IL16: variants seen among roughly 807,000 people sequenced by gnomAD.
The protein encoded by IL16 is interleukin 16.
IL16 carries 67 observed loss-of-function variants against 110.1 expected under a neutral mutation model. The ratio of observed to expected loss-of-function variants is 0.61; its 90% CI spans 0.50 to 0.75. IL16 has a LOEUF of 0.75. Among genes scored for constraint, IL16 ranks in the 30% least tolerant of loss-of-function variants. The probability of loss-of-function intolerance (pLI) is 0.00; values close to 1 mark genes in which losing one functional copy is unlikely to be tolerated. For missense variants in IL16, 1,545 were observed against 1,655.0 expected, an observed-to-expected ratio of 0.93 and a Z score of 1.15; for synonymous variants, 689 against 662.9, an observed-to-expected ratio of 1.04 and a Z score of -0.61.
chr15:81,274,720 T>C (rs1277852853), intron 6 of IL16, among the ~76,000 whole-genome samples: 1 of 152,234 alleles, frequency 6.6e-6, no homozygotes, highest in Non-Finnish European at 1.5e-5. Flanking sequence ...TAGAAATGGA[T>C]TTTATGTTAC....
At chr15:81,215,800 C>T (rs1896407083) in intron 1 of IL16, among the ~76,000 whole-genome samples, 1 of 152,216 alleles carries the variant, frequency 6.6e-6, no homozygotes, top group African/African-American at 2.4e-5. Context: ...GTGCCAACCA[C>T]AGATCCTGGC....
chr15:81,261,426 A>G (rs938342345), intron 3 of IL16, among the ~76,000 whole-genome samples: 9 of 152,262 alleles, frequency 5.9e-5, no homozygotes, highest in East Asian at 5.8e-4. Flanking sequence ...ACAGGCATCA[A>G]TGGAGGACTG....
chr15:81,292,672 G>T lies in IL16; in HGVS notation c.1537G>T (p.Asp513Tyr), dbSNP rs1007596628. The T allele has an allele frequency of 6.2e-7, 1 of 1,614,048 alleles. No individual in the cohort carries two copies. Among genetic ancestry groups the T allele is most frequent in the African/African-American group, 1.3e-5 (1 of 74,930 alleles). Residue 513 changes from aspartate to tyrosine, a missense_variant, in exon 12 of 19, where the codon GAC becomes TAC. Physicochemically the swap from Asp to Tyr is radical, Grantham distance 160. Around this residue, in one of 3 missense-constraint regions of IL16, gnomAD observed 1,185 missense variants for 1,238.8 expected, o/e 0.96. Coordinates refer to ENST00000683961, the MANE Select transcript of IL16 (RefSeq NM_172217.5). ...AQKVMIRSSS[D>Y]SSYMSGSPGG... ...GAAGGTCATGATCCGCTCCAGCAGT[G>T]ACAGCAGCTACATGTCTGGGTCCCC...
intron 1 of IL16, among the ~76,000 whole-genome samples, chr15:81,212,689 C>T (rs1279302245): frequency 1.3e-5 from 2 of 152,102 alleles, no homozygotes; most frequent in Admixed American, 1.3e-4. Context: ...CCAGGCTGGT[C>T]TTAAACTCCT....
chr15:81,282,416 C>A (rs148966540), intron 8 of IL16, among the ~76,000 whole-genome samples: 5 of 152,334 alleles, frequency 3.3e-5, no homozygotes, highest in Non-Finnish European at 5.9e-5. Context: ...CCCTTCCTCC[C>A]TCCTTCGCTC....
chr15:81,192,940 TCA>T (rs1320919780), upstream of IL16, among the ~76,000 whole-genome samples: 4 of 152,158 alleles, frequency 2.6e-5, no homozygotes, highest in Non-Finnish European at 4.4e-5. Flanking sequence ...GAATAAAAAC[TCA>T]CAGAGGGCTT....
intron 2 of IL16, among the ~76,000 whole-genome samples, chr15:81,248,081 CTA>C (rs1897631778): frequency 6.6e-6 from 1 of 152,088 alleles, no homozygotes; most frequent in Admixed American, 6.5e-5. Flanking sequence ...CATTATGAGG[CTA>C]TGTTATAAGG....
intron 2 of IL16, among the ~76,000 whole-genome samples, chr15:81,254,819 A>C (rs1357827007): frequency 6.6e-6 from 1 of 152,202 alleles, no homozygotes; most frequent in Non-Finnish European, 1.5e-5. Context: ...TCCACCCAGG[A>C]CATACTTGCC....
At chr15:81,282,825 C>A in intron 9 of IL16, 69 bp downstream of exon 9, 3 of 1,162,494 alleles carry the variant, frequency 2.6e-6, no homozygotes, top group Admixed American at 1.7e-5. Flanking sequence ...CTTAGAATGT[C>A]GGGAGATTGA....
At chr15:81,250,407 C>T (rs1897728248) in intron 2 of IL16, among the ~76,000 whole-genome samples, 1 of 152,124 alleles carries the variant, frequency 6.6e-6, no homozygotes, top group South Asian at 2.1e-4. Context: ...AAGCTCTTGG[C>T]CTCAAGTGAT....
upstream of IL16, among the ~76,000 whole-genome samples, chr15:81,195,103 C>T (rs1008875196): frequency 2.0e-5 from 3 of 152,148 alleles, no homozygotes; most frequent in Admixed American, 2.0e-4. Flanking sequence ...TAGGAAAAAT[C>T]AGGGCCAAGT....
In IL16 at chr15:81,303,691, A is replaced by G. The variant is rs763185119; in HGVS notation, c.3420+41A>G. The G allele has an allele frequency of 1.7e-5, 23 of 1,335,856 alleles. No individual in the cohort carries two copies. The highest frequency in any genetic ancestry group is 4.6e-5 in the East Asian group (2 of 43,620). 82.8% of individuals were successfully genotyped at this position (1,335,856 alleles called of 1,614,324 possible). On this transcript the variant is annotated intron_variant, in intron 16 of 18. Coordinates refer to ENST00000683961, the MANE Select transcript of IL16 (RefSeq NM_172217.5). This position sits in a 1 kb window ranked among gnomAD's most constrained non-coding sequence, Gnocchi z 4.1. ...AAGGGGCATGTCACAGCCAGAGGCA[A>G]TGGTTCTGGGGGAGGGGGACACACT...
chr15:81,282,737 C>A lies in IL16; in HGVS notation c.1180C>A (p.His394Asn), dbSNP rs762761639. Residue 394 changes from histidine (H) to asparagine (N), a missense_variant, in exon 9 of 19, where the codon CAC becomes AAC. Coordinates refer to ENST00000683961, the MANE Select transcript of IL16 (RefSeq NM_172217.5). ...CACGCTGTCACCAGGATCCGTGGCG[C>A]ACCTGGACGGACGTCTCCGGTATGT... ...VHTLSPGSVAHLDGRLRCGDE... is the reference protein window; with the variant it reads ...VHTLSPGSVANLDGRLRCGDE... 2 of 1,613,492 alleles carry A rather than the reference C, an allele frequency of 1.2e-6. No individual in the cohort carries two copies. Among genetic ancestry groups the A allele is most frequent in the Non-Finnish European group, 1.7e-6 (2 of 1,179,362 alleles).
Position 81,239,003 on chromosome 15 carries a change from T to G in IL16, c.312+13292T>G, listed in dbSNP as rs141997555. Among the ~76,000 whole-genome samples, 1,088 of 146,136 alleles carry G rather than the reference T, an allele frequency of 7.4e-3. 18 individuals are homozygous for G. The highest frequency in any genetic ancestry group is 0.025 in the African/African-American group (1,014 of 40,212). On this transcript the variant is annotated intron_variant, in intron 2 of 18. Transcript: ENST00000683961. The stretch of plus-strand genomic sequence containing the variant: ...TCTGCTGTCATTTGAATTGGTGTTC[T>G]TTTTTTTTTTTCTTTACAGGTAATG...
rs560027077 is a variant in IL16, at chr15:81,206,128, C to A, written c.-102+8976C>A. The stretch of plus-strand genomic sequence containing the variant: ...TAAAGAGCTTGAATTCTATGACTTA[C>A]AAAATTGAATATGTGCTTACATATA... On this transcript the variant is annotated intron_variant, in intron 1 of 18. Coordinates refer to ENST00000683961, the MANE Select transcript of IL16 (RefSeq NM_172217.5). Among the ~76,000 whole-genome samples the A allele has an allele frequency of 2.0e-5, 3 of 152,250 alleles. No homozygotes were observed. In the South Asian group the frequency reaches 6.2e-4, roughly 32 times the overall value.
chr15:81,198,870 A>G (rs969847457), intron 1 of IL16, among the ~76,000 whole-genome samples: 34 of 150,856 alleles, frequency 2.3e-4, no homozygotes, highest in African/African-American at 8.1e-4. Context: ...AAATACAAAA[A>G]TTAGCCAGGC....
At chr15:81,233,459 C>CTGTGTGTGTG (rs5814049) in intron 2 of IL16, among the ~76,000 whole-genome samples, 5 of 143,370 alleles carry the variant, frequency 3.5e-5, no homozygotes, top group African/African-American at 5.0e-5. Flanking sequence ...TCTTCTCTTT[C>CTGTGTGTGTG]TGTGTGTGTG....
In IL16 at chr15:81,303,546, C is replaced by G. The variant is rs761074579; in HGVS notation, c.3319-3C>G. 6.3e-7 allele frequency: 1 copy of G among 1,599,634 alleles called. No individual in the cohort carries two copies. The highest frequency in any genetic ancestry group is 8.6e-7 in the Non-Finnish European group (1 of 1,166,886). ...TTTTTGAATGTATGTATTTCCTCTG[C>G]AGCAATTAGACGGCATCCATGTCAC... On this transcript the variant is annotated splice_region_variant and splice_polypyrimidine_tract_variant and intron_variant, in intron 15 of 18. Transcript: ENST00000683961. This position sits in a 1 kb window ranked among gnomAD's most constrained non-coding sequence, Gnocchi z 4.1.
At chr15:81,215,348 T>G (rs1331786900) in intron 1 of IL16, among the ~76,000 whole-genome samples, 1 of 152,186 alleles carries the variant, frequency 6.6e-6, no homozygotes, top group Non-Finnish European at 1.5e-5. Flanking sequence ...TATGCTTGGG[T>G]GAATTCTTGT....
Sources: gnomAD v4.1 joint callset for allele counts (sites outside exome capture counted in the v4.1 genomes callset) on GRCh38, gnomAD v4.1.1 for gene constraint, gnomAD v4.1.1 regional missense constraint, Gnocchi (gnomAD v3.1) non-coding constraint, MANE v1.5 for transcripts, NCBI Gene and HGNC (gene_info 2026-07-23, HGNC 2026-07-21) for gene names.